ARL15: variants seen among roughly 807,000 people sequenced by gnomAD.
ARL15 encodes ARF like GTPase 15, also known as ADP-ribosylation factor-like protein 15.
A neutral mutation model predicts 25.2 loss-of-function variants in ARL15; 19 were observed. The ratio of observed to expected loss-of-function variants is 0.75; its 90% confidence interval spans 0.53 to 1.10. ARL15 has a LOEUF of 1.10. Among genes scored for constraint, ARL15 ranks in the 50% least tolerant of loss-of-function variants. The pLI is 0.00. For missense variants in ARL15, 220 were observed against 246.0 expected (o/e 0.89, Z 0.71); for synonymous variants, 94 against 86.8 (o/e 1.08, Z -0.46).
intron 4 of ARL15, among the ~76,000 whole-genome samples, chr5:53,953,008 C>T (rs868622813): frequency 6.6e-6 from 1 of 152,204 alleles, no homozygotes; most frequent in Non-Finnish European, 1.5e-5. Flanking sequence ...GATTAAACTT[C>T]TGCAAATGTT....
chr5:54,288,205 T>C (rs984915358), intron 1 of ARL15, among the ~76,000 whole-genome samples: 1 of 152,236 alleles, frequency 6.6e-6, no homozygotes, highest in African/African-American at 2.4e-5. Context: ...AGTCTGTTTC[T>C]TAGTTAAAAA....
chr5:54,221,628 A>G (rs1756375123), intron 1 of ARL15, among the ~76,000 whole-genome samples: 1 of 151,892 alleles, frequency 6.6e-6, no homozygotes, highest in African/African-American at 2.4e-5. Context: ...AAGCGCTAAT[A>G]AGAGTCCAGT....
At chr5:54,127,074 C>A (rs1753278109) in intron 3 of ARL15, among the ~76,000 whole-genome samples, 2 of 151,892 alleles carry the variant, frequency 1.3e-5, no homozygotes, top group Non-Finnish European at 2.9e-5. Context: ...TTGTTCAATT[C>A]CCACCTATGA....
chr5:54,184,261 CAAAAAAAAAAAA>C, intron 1 of ARL15, among the ~76,000 whole-genome samples: 1 of 117,042 alleles, frequency 8.5e-6, no homozygotes, highest in South Asian at 2.8e-4. Flanking sequence ...AAAAAAAAAT[CAAAAAAAAAAAA>C]AAAAAAGAAA....
chr5:54,279,618 T>C (rs1484708916), intron 1 of ARL15, among the ~76,000 whole-genome samples: 1 of 152,190 alleles, frequency 6.6e-6, no homozygotes, highest in Non-Finnish European at 1.5e-5. Flanking sequence ...ATGAGTTTTG[T>C]GTGGGACACA....
chr5:53,964,644 G>A lies in ARL15; in HGVS notation c.463-77931C>T, dbSNP rs190656318. On this transcript the variant is annotated intron_variant, in intron 4 of 4. Coordinates refer to ENST00000504924, the MANE Select transcript of ARL15 (RefSeq NM_019087.3). ...CAAAGTGCTGGGATTACAGGCGTGA[G>A]CCACCGCACCTGGCCTCTATACTGG... Among the ~76,000 whole-genome samples, 1,066 of 152,332 alleles carry A rather than the reference G, an allele frequency of 7.0e-3. 12 individuals carry two copies. The highest frequency in any genetic ancestry group is 0.024 in the African/African-American group (995 of 41,574).
At chr5:54,010,720 A>T (rs536958068) in intron 4 of ARL15, among the ~76,000 whole-genome samples, 55 of 152,290 alleles carry the variant, frequency 3.6e-4, no homozygotes, top group African/African-American at 1.1e-3. Context: ...AAAAAATTTT[A>T]AAAAAATCAG....
In ARL15 at chr5:54,041,250, T is replaced by G. The variant is rs1053253922; in HGVS notation, c.462+71952A>C. 2.6e-5 allele frequency among the ~76,000 whole-genome samples: 4 copies of G among 152,168 alleles called. No homozygotes were observed. In the East Asian group the frequency reaches 5.8e-4, roughly 22 times the overall value. ...TCTCTTATTGCTAAAACAGAAGTAGTGAAGGTCAAAGAATGCAAAATCCTA... is the reference window on the plus strand; with the variant it reads ...TCTCTTATTGCTAAAACAGAAGTAGGGAAGGTCAAAGAATGCAAAATCCTA... On this transcript the variant is annotated intron_variant, in intron 4 of 4. Coordinates refer to ENST00000504924, the MANE Select transcript of ARL15 (RefSeq NM_019087.3).
intron 4 of ARL15, among the ~76,000 whole-genome samples, chr5:53,989,611 G>A (rs1276560167): frequency 1.3e-5 from 2 of 151,878 alleles, no homozygotes; most frequent in East Asian, 3.9e-4. Context: ...ATGGGTGTGT[G>A]TATCCCCTTG....
At position 54,119,240 on chromosome 5, in the gene ARL15, C is replaced by T. The variant is rs780742632; in HGVS notation, c.254-5830G>A. ...AGGTGATTAAGTCACAAGGACTTCA[C>T]TTTCAAAAATGGATTAATGCTGTTC... On this transcript the variant is annotated intron_variant, in intron 3 of 4. Coordinates refer to ENST00000504924, the MANE Select transcript of ARL15 (RefSeq NM_019087.3). 2.2e-4 allele frequency among the ~76,000 whole-genome samples: 34 copies of T among 152,130 alleles called. 1 individual carries two copies. The highest frequency in any genetic ancestry group is 4.9e-4 in the Non-Finnish European group (33 of 68,024).
chr5:53,893,838 C>A (rs993624919), intron 4 of ARL15, among the ~76,000 whole-genome samples: 2 of 152,270 alleles, frequency 1.3e-5, no homozygotes, highest in Admixed American at 6.5e-5. Context: ...CATTAAGATT[C>A]TTCAGAGTGC....
chr5:53,886,415 ACT>A lies in ARL15; in HGVS notation c.*144_*145del. On this transcript the variant is annotated 3_prime_UTR_variant, in exon 5 of 5. Coordinates refer to ENST00000504924, the MANE Select transcript of ARL15 (RefSeq NM_019087.3). Reference sequence around the variant, plus strand: ...AATTCATCTGATCTACAGAATATTCACTTTAATAGAGAGATGAGAGTCTGAAA... The same window carrying A: ...AATTCATCTGATCTACAGAATATTCATTAATAGAGAGATGAGAGTCTGAAA... 1 of 804,450 alleles carries A rather than the reference ACT, an allele frequency of 1.2e-6. No individual in the cohort carries two copies. The highest frequency in any genetic ancestry group is 2.0e-5 in the South Asian group (1 of 49,110). 49.8% of individuals were successfully genotyped at this position (804,450 alleles called of 1,614,324 possible).
intron 2 of ARL15, among the ~76,000 whole-genome samples, chr5:54,158,479 C>T (rs1207875491): frequency 6.6e-6 from 1 of 152,188 alleles, no homozygotes; most frequent in African/African-American, 2.4e-5. Context: ...TAGGTCAGTG[C>T]TTGGCATACA....
chr5:53,916,351 T>G (rs1268120229), intron 4 of ARL15, among the ~76,000 whole-genome samples: 1 of 150,220 alleles, frequency 6.7e-6, no homozygotes, highest in East Asian at 1.9e-4. Context: ...AGGGCTTACT[T>G]GAGGATGGAG....
At chr5:54,017,109 T>C (rs1272059078) in intron 4 of ARL15, among the ~76,000 whole-genome samples, 6 of 152,202 alleles carry the variant, frequency 3.9e-5, no homozygotes, top group African/African-American at 1.4e-4. Flanking sequence ...CAGCTCTCTG[T>C]TGAAACTGAA....
intron 3 of ARL15, among the ~76,000 whole-genome samples, chr5:54,120,358 C>T (rs868015109): frequency 1.3e-5 from 2 of 152,140 alleles, no homozygotes; most frequent in South Asian, 4.1e-4. Flanking sequence ...AGAGTCCTGT[C>T]GTAGTATTTG....
At chr5:53,950,633 T>G (rs1485209269) in intron 4 of ARL15, among the ~76,000 whole-genome samples, 1 of 152,146 alleles carries the variant, frequency 6.6e-6, no homozygotes, top group African/African-American at 2.4e-5. Flanking sequence ...ACTACTTTTA[T>G]ACACACAATA....
At chr5:54,109,977 C>G (rs976832570) in intron 4 of ARL15, among the ~76,000 whole-genome samples, 1 of 151,760 alleles carries the variant, frequency 6.6e-6, no homozygotes, top group East Asian at 1.9e-4. Flanking sequence ...TTTTCACTAT[C>G]AGCTCTCAAG....
rs1354911547 is a variant in ARL15 at position 54,094,305 on chromosome 5, G to C, written c.462+18897C>G. 1.6e-4 allele frequency among the ~76,000 whole-genome samples: 24 copies of C among 151,856 alleles called. No homozygotes were observed. The East Asian group carries it at 4.3e-3, about 27-fold the overall frequency. ...TTTCTTAAAATACAGAGGAAAAAAAGAATAATTTTGCTAATTAAATCCTGT... is the reference window on the plus strand; with the variant it reads ...TTTCTTAAAATACAGAGGAAAAAAACAATAATTTTGCTAATTAAATCCTGT... On this transcript the variant is annotated intron_variant, in intron 4 of 4. Coordinates refer to ENST00000504924, the MANE Select transcript of ARL15 (RefSeq NM_019087.3).
Sources: allele counts gnomAD v4.1 joint callset (sites outside exome capture counted in the v4.1 genomes callset), GRCh38; gene constraint gnomAD v4.1.1; transcripts MANE v1.5; gene names NCBI Gene and HGNC (gene_info 2026-07-23, HGNC 2026-07-21).